The following KCNAB1 variants were observed in gnomAD, a reference collection of about 807,000 sequenced individuals.
KCNAB1 encodes potassium voltage-gated channel subfamily A regulatory beta subunit 1.
A neutral mutation model predicts 64.6 loss-of-function variants in KCNAB1; 35 were observed. The observed-to-expected ratio is 0.54, with a 90% CI of 0.41 to 0.72. The LOEUF is 0.72. KCNAB1 is among the 30% of genes least tolerant of loss of function. The probability of loss-of-function intolerance (pLI) is 0.00; values close to 1 mark genes in which losing one functional copy is unlikely to be tolerated. For synonymous variants in KCNAB1, 177 were observed against 183.8 expected, an observed-to-expected ratio of 0.96 and a Z score of 0.30; for missense variants, 401 against 512.9, an observed-to-expected ratio of 0.78 and a Z score of 2.11.
At chr3:156,443,394 A>G in intron 2 of KCNAB1, among the ~76,000 whole-genome samples, 1 of 152,116 alleles carries the variant, frequency 6.6e-6, no homozygotes, top group Non-Finnish European at 1.5e-5. Context: ...AATAGAGCAT[A>G]GGGGCTGTGG....
intron 1 of KCNAB1, among the ~76,000 whole-genome samples, chr3:156,226,473 C>CA (rs1436050533): frequency 6.6e-6 from 1 of 151,986 alleles, no homozygotes. Context: ...AAGATAACAT[C>CA]AAAAAACCCT....
intron 1 of KCNAB1, among the ~76,000 whole-genome samples, chr3:156,241,618 G>C (rs1717168153): frequency 6.6e-6 from 1 of 152,168 alleles, no homozygotes; most frequent in Non-Finnish European, 1.5e-5. Flanking sequence ...CTTGGGTAAT[G>C]CTGCTCCCCC....
chr3:156,525,152 GA>G (rs899742778), intron 12 of KCNAB1, among the ~76,000 whole-genome samples: 26 of 146,150 alleles, frequency 1.8e-4, no homozygotes, highest in African/African-American at 2.7e-4. Flanking sequence ...TTCTTACTAG[GA>G]AAAAAAAAAA....
At chr3:156,214,874 C>T (rs897249076) in intron 1 of KCNAB1, among the ~76,000 whole-genome samples, 11 of 152,140 alleles carry the variant, frequency 7.2e-5, no homozygotes, top group African/African-American at 2.7e-4. Flanking sequence ...TTGCACGAAA[C>T]ACATCAGGCT....
chr3:156,513,515 T>C (rs1442454210), intron 8 of KCNAB1, among the ~76,000 whole-genome samples: 1 of 152,208 alleles, frequency 6.6e-6, no homozygotes, highest in East Asian at 1.9e-4. Context: ...ACCTGCTTTG[T>C]AGAAGAAATC....
At chr3:156,411,859 T>C (rs1298991637) in intron 1 of KCNAB1, among the ~76,000 whole-genome samples, 2 of 152,198 alleles carry the variant, frequency 1.3e-5, no homozygotes, top group East Asian at 3.8e-4. Context: ...TTTGAATATC[T>C]GAGTTCTTTT....
At chr3:156,167,238 T>C (rs556619913) in intron 1 of KCNAB1, among the ~76,000 whole-genome samples, 22 of 152,220 alleles carry the variant, frequency 1.4e-4, no homozygotes, top group African/African-American at 4.3e-4. Flanking sequence ...CTTGAGGGTG[T>C]GGATGTGTGG....
At chr3:156,229,516 A>G (rs1356684824) in intron 1 of KCNAB1, among the ~76,000 whole-genome samples, 1 of 152,242 alleles carries the variant, frequency 6.6e-6, no homozygotes, top group African/African-American at 2.4e-5. Flanking sequence ...CAGATAAAAG[A>G]TGGAACACAA....
At chr3:156,330,794 G>A (rs74898746) in intron 1 of KCNAB1, among the ~76,000 whole-genome samples, 2,903 of 152,140 alleles carry the variant, frequency 0.019, 94 homozygotes, top group African/African-American at 0.066. Flanking sequence ...AGTGCTTTTG[G>A]TAAGCCTCAG....
At chr3:156,413,994 G>C (rs902887598) in intron 1 of KCNAB1, among the ~76,000 whole-genome samples, 19 of 152,220 alleles carry the variant, frequency 1.2e-4, no homozygotes, top group Admixed American at 7.8e-4. Flanking sequence ...ATGAAAGGCA[G>C]ACTAATGCAT....
chr3:156,193,634 A>G (rs748819986), intron 1 of KCNAB1, among the ~76,000 whole-genome samples: 1 of 152,136 alleles, frequency 6.6e-6, no homozygotes, highest in African/African-American at 2.4e-5. Context: ...GATGAGAGAG[A>G]GTGAAGGGAG....
intron 1 of KCNAB1, among the ~76,000 whole-genome samples, chr3:156,146,235 T>C (rs766938004): frequency 2.6e-5 from 4 of 152,226 alleles, no homozygotes; most frequent in Non-Finnish European, 5.9e-5. Flanking sequence ...AAGTGCCAAG[T>C]TGCTGTGTAG....
intron 1 of KCNAB1, among the ~76,000 whole-genome samples, chr3:156,399,430 C>T (rs775800694): frequency 6.6e-6 from 1 of 152,084 alleles, no homozygotes; most frequent in South Asian, 2.1e-4. Context: ...GCTTTCTCAC[C>T]GAATATGTGC....
chr3:156,168,512 T>C (rs1184116981), intron 1 of KCNAB1, among the ~76,000 whole-genome samples: 2 of 152,204 alleles, frequency 1.3e-5, no homozygotes, highest in African/African-American at 4.8e-5. Context: ...TTCATCTAAA[T>C]ATTTTTCACA....
chr3:156,440,145 G>A (rs1716891641), intron 2 of KCNAB1, among the ~76,000 whole-genome samples: 1 of 152,192 alleles, frequency 6.6e-6, no homozygotes, highest in South Asian at 2.1e-4. Flanking sequence ...AGTCTCTGGG[G>A]ATACAGAGTT....
At chr3:156,149,214 C>T (rs949824015) in intron 1 of KCNAB1, among the ~76,000 whole-genome samples, 2 of 151,888 alleles carry the variant, frequency 1.3e-5, no homozygotes, top group Non-Finnish European at 2.9e-5. Flanking sequence ...GAGTGGTGGC[C>T]ACGCTAATCT....
chr3:156,499,975 A>G (rs952597397), intron 8 of KCNAB1, among the ~76,000 whole-genome samples: 1 of 152,152 alleles, frequency 6.6e-6, no homozygotes. Flanking sequence ...AAATTTTCAT[A>G]TGGGGGTGAC....
At chr3:156,531,946 A>G (rs1718728143) in intron 13 of KCNAB1, among the ~76,000 whole-genome samples, 1 of 152,138 alleles carries the variant, frequency 6.6e-6, no homozygotes, top group South Asian at 2.1e-4. Flanking sequence ...ATAATGTAGT[A>G]TAACTGCCTG....
intron 2 of KCNAB1, among the ~76,000 whole-genome samples, chr3:156,448,556 A>C (rs1490033719): frequency 6.6e-6 from 1 of 152,160 alleles, no homozygotes; most frequent in Non-Finnish European, 1.5e-5. Flanking sequence ...ACACTGGGCC[A>C]CTTACCCATC....
Sources: allele counts gnomAD v4.1 joint callset (sites outside exome capture counted in the v4.1 genomes callset), GRCh38; gene constraint gnomAD v4.1.1; transcripts MANE v1.5; gene names NCBI Gene and HGNC (gene_info 2026-07-23, HGNC 2026-07-21).